The following CENPP variants were observed in gnomAD, a reference collection of about 807,000 sequenced individuals.
The protein encoded by CENPP is centromere protein P.
A neutral mutation model predicts 35.6 loss-of-function variants in CENPP; 24 were observed. That is an observed-to-expected ratio of 0.67 (90% CI 0.49 to 0.95). The LOEUF (loss-of-function observed/expected upper bound fraction) is 0.95. CENPP is among the 40% of genes least tolerant of loss of function. CENPP has a pLI of 0.00. For missense variants in CENPP, 332 were observed against 345.3 expected (o/e 0.96, Z 0.31); for synonymous variants, 120 against 125.5 (o/e 0.96, Z 0.29).
chr9:92,381,226 T>A (rs1011216660), intron 5 of CENPP, among the ~76,000 whole-genome samples: 1 of 152,200 alleles, frequency 6.6e-6, no homozygotes, highest in Non-Finnish European at 1.5e-5. Context: ...GAGTGTCTTT[T>A]CACTTAGCAT....
chr9:92,412,872 T>C (rs181740518), intron 5 of CENPP, among the ~76,000 whole-genome samples: 6 of 152,152 alleles, frequency 3.9e-5, no homozygotes, highest in African/African-American at 4.8e-5. Context: ...TTGTGGATAA[T>C]GCTGCTGTGG....
chr9:92,451,996 G>A (rs1588138573), intron 5 of CENPP, among the ~76,000 whole-genome samples: 2 of 149,446 alleles, frequency 1.3e-5, no homozygotes, highest in South Asian at 2.1e-4. Context: ...AGGAGATTTT[G>A]GGCTGAGACA....
chr9:92,569,898 T>C (rs905266842), intron 5 of CENPP, among the ~76,000 whole-genome samples: 13 of 152,342 alleles, frequency 8.5e-5, no homozygotes, highest in Admixed American at 7.8e-4. Context: ...TATTGGTGTA[T>C]AGGAAGGCCT....
intron 5 of CENPP, among the ~76,000 whole-genome samples, chr9:92,581,704 G>A (rs1225079707): frequency 6.6e-6 from 1 of 152,180 alleles, no homozygotes; most frequent in Non-Finnish European, 1.5e-5. Context: ...TCATCTCCAA[G>A]TAGAAGGAAA....
intron 5 of CENPP, among the ~76,000 whole-genome samples, chr9:92,475,658 T>A (rs1050548073): frequency 2.6e-5 from 4 of 152,254 alleles, no homozygotes; most frequent in African/African-American, 9.6e-5. Flanking sequence ...TTAGACAACA[T>A]CTGGAATTTT....
At chr9:92,446,042 A>G (rs956418948) in intron 5 of CENPP, among the ~76,000 whole-genome samples, 1 of 152,106 alleles carries the variant, frequency 6.6e-6, no homozygotes, top group Admixed American at 6.6e-5. Context: ...TCCTTGGTAA[A>G]AAGGTAAAGA....
chr9:92,581,223 G>A lies in CENPP; in HGVS notation c.565-30091G>A, dbSNP rs1850417089. The stretch of plus-strand genomic sequence containing the variant: ...TACTTACTACTTTAGCAGAAAACGA[G>A]AGGTATATGATGGGGAAGAGGAATG... On this transcript the variant is annotated intron_variant, in intron 5 of 7. Transcript: ENST00000375587. Among the ~76,000 whole-genome samples the A allele has an allele frequency of 2.0e-5, 3 of 152,092 alleles. No homozygotes were observed. In the South Asian group the frequency reaches 6.2e-4, roughly 32 times the overall value.
chr9:92,490,820 C>T (rs973854859), intron 5 of CENPP, among the ~76,000 whole-genome samples: 4 of 152,206 alleles, frequency 2.6e-5, no homozygotes, highest in Non-Finnish European at 5.9e-5. Flanking sequence ...ATGTTAATAA[C>T]ATAAATGATT....
chr9:92,522,661 ATAGGAAGTCTTGCTACTGG>A lies in CENPP; in HGVS notation c.565-88651_565-88633del, dbSNP rs760572204. On this transcript the variant is annotated intron_variant, in intron 5 of 7. Transcript: ENST00000375587. Reference sequence around the variant, plus strand: ...CTCCATGCTATAATCAAAGTTAACAATAGGAAGTCTTGCTACTGGTGTAAAAACTGTTGTTTGCTGAATT... The same window carrying A: ...CTCCATGCTATAATCAAAGTTAACAATGTAAAAACTGTTGTTTGCTGAATT... 3 of 1,614,158 alleles carry A rather than the reference ATAGGAAGTCTTGCTACTGG, an allele frequency of 1.9e-6. No individual in the cohort carries two copies. The Admixed American group carries it at 5.0e-5, about 27-fold the overall frequency.
chr9:92,494,516 G>C (rs956219411), intron 5 of CENPP, among the ~76,000 whole-genome samples: 1 of 152,100 alleles, frequency 6.6e-6, no homozygotes, highest in Non-Finnish European at 1.5e-5. Flanking sequence ...ATAAGTCTTT[G>C]ACTCTTGAGT....
In CENPP at chr9:92,476,459, A is replaced by G. The variant is rs191586578; in HGVS notation, c.564+96600A>G. Among the ~76,000 whole-genome samples, 2 of 152,248 alleles carry G rather than the reference A, an allele frequency of 1.3e-5. No individual in the cohort carries two copies. The highest frequency in any genetic ancestry group is 3.9e-4 in the East Asian group (2 of 5,174). Reference sequence around the variant, plus strand: ...TACTGTCATTAGTTATTAACCTGATAATTACTTTATTTAATTTCTCATATG... The same window carrying G: ...TACTGTCATTAGTTATTAACCTGATGATTACTTTATTTAATTTCTCATATG... On this transcript the variant is annotated intron_variant, in intron 5 of 7. Coordinates refer to ENST00000375587, the MANE Select transcript of CENPP (RefSeq NM_001012267.3). The surrounding 1 kb of genome is among the most constrained non-coding windows in gnomAD (Gnocchi z 4.1).
chr9:92,472,398 G>A (rs185185928), intron 5 of CENPP, among the ~76,000 whole-genome samples: 112 of 150,894 alleles, frequency 7.4e-4, no homozygotes, highest in African/African-American at 2.5e-3. Context: ...GGTGGCTCAC[G>A]CCTATAATCC....
At chr9:92,568,417 G>A (rs1034893457) in intron 5 of CENPP, among the ~76,000 whole-genome samples, 6 of 152,026 alleles carry the variant, frequency 3.9e-5, no homozygotes, top group Non-Finnish European at 7.4e-5. Flanking sequence ...ACATGAACTC[G>A]TCATTTTTTA....
chr9:92,580,687 CT>C (rs1444205365), intron 5 of CENPP, among the ~76,000 whole-genome samples: 1 of 152,210 alleles, frequency 6.6e-6, no homozygotes, highest in Non-Finnish European at 1.5e-5. Context: ...TTTGATTCTT[CT>C]CTCTTTTTTT....
chr9:92,422,638 C>G (rs1843842655), intron 5 of CENPP, among the ~76,000 whole-genome samples: 1 of 152,244 alleles, frequency 6.6e-6, no homozygotes, highest in Non-Finnish European at 1.5e-5. Context: ...GTCCTCCTCC[C>G]TCCACGTTCC....
intron 5 of CENPP, among the ~76,000 whole-genome samples, chr9:92,520,333 G>A (rs1847988027): frequency 6.6e-6 from 1 of 152,010 alleles, no homozygotes; most frequent in Non-Finnish European, 1.5e-5. Flanking sequence ...TTTCTCCAAG[G>A]AAGATATGCA....
At chr9:92,524,131 C>T (rs886675144) in intron 5 of CENPP, among the ~76,000 whole-genome samples, 2 of 152,156 alleles carry the variant, frequency 1.3e-5, no homozygotes, top group Admixed American at 6.5e-5. Context: ...TGATGTAATC[C>T]ACAACCCATT....
chr9:92,340,938 G>A (rs531957362), intron 3 of CENPP, among the ~76,000 whole-genome samples: 234 of 152,266 alleles, frequency 1.5e-3, no homozygotes, highest in African/African-American at 5.0e-3. Context: ...TGAGCCGGGC[G>A]GAACAGAGCC....
At chr9:92,512,197 T>G (rs1412632596) in intron 5 of CENPP, 1 of 952,412 alleles carries the variant, frequency 1.0e-6, no homozygotes, top group Admixed American at 2.1e-5. Context: ...TATGGGCATG[T>G]GTGCATAGAT....
Sources: gnomAD v4.1 joint callset for allele counts (sites outside exome capture counted in the v4.1 genomes callset) on GRCh38, gnomAD v4.1.1 for gene constraint, Gnocchi (gnomAD v3.1) non-coding constraint, MANE v1.5 for transcripts, NCBI Gene and HGNC (gene_info 2026-07-23, HGNC 2026-07-21) for gene names.